SORCS2: variants seen among roughly 807,000 people sequenced by gnomAD.
The protein encoded by SORCS2 is VPS10 domain-containing receptor SorCS2.
A neutral mutation model predicts 141.6 loss-of-function variants in SORCS2; 100 were observed. The ratio of observed to expected loss-of-function variants is 0.71; its 90% CI spans 0.60 to 0.83. The LOEUF is 0.83. SORCS2 is among the 40% of genes least tolerant of loss of function. The pLI is 0.00. For missense variants in SORCS2, 1,646 were observed against 1,560.2 expected (o/e 1.05, Z -0.93); for synonymous variants, 789 against 676.9 (o/e 1.17, Z -2.57).
At chr4:7,487,549 C>T (rs1341322739) in intron 2 of SORCS2, among the ~76,000 whole-genome samples, 1 of 152,234 alleles carries the variant, frequency 6.6e-6, no homozygotes, top group Non-Finnish European at 1.5e-5. Flanking sequence ...CTCTCCTTTG[C>T]CTGCACTAGA....
chr4:7,434,310 C>G (rs573810561), intron 2 of SORCS2: 2 of 1,611,728 alleles, frequency 1.2e-6, no homozygotes, highest in East Asian at 2.2e-5. Context: ...GTCGGGAGAC[C>G]TGCCGTACAC....
chr4:7,550,599 G>A (rs1713625476), intron 3 of SORCS2, among the ~76,000 whole-genome samples: 1 of 152,212 alleles, frequency 6.6e-6, no homozygotes, highest in South Asian at 2.1e-4. Flanking sequence ...GAGGCTTCAG[G>A]AATCTTAGTA....
chr4:7,437,713 C>T (rs1367745964), intron 2 of SORCS2, among the ~76,000 whole-genome samples: 1 of 131,738 alleles, frequency 7.6e-6, no homozygotes. Context: ...CAAAACCAAA[C>T]ACTTTTTTTT....
At chr4:7,260,214 G>A (rs1714226063) in intron 1 of SORCS2, among the ~76,000 whole-genome samples, 1 of 152,248 alleles carries the variant, frequency 6.6e-6, no homozygotes, top group South Asian at 2.1e-4. Context: ...GGAGGCAGCT[G>A]CTCTGGATGC....
chr4:7,383,125 C>G (rs1423628884), intron 1 of SORCS2, among the ~76,000 whole-genome samples: 1 of 152,050 alleles, frequency 6.6e-6, no homozygotes, highest in Non-Finnish European at 1.5e-5. Context: ...AAAACAGGGC[C>G]TCGTGTCATG....
intron 2 of SORCS2, among the ~76,000 whole-genome samples, chr4:7,503,263 G>A (rs1732078559): frequency 6.6e-6 from 1 of 152,134 alleles, no homozygotes; most frequent in African/African-American, 2.4e-5. Context: ...CCACACTCAC[G>A]GCCCTGGAGT....
At chr4:7,514,629 G>C (rs1362512354) in intron 2 of SORCS2, among the ~76,000 whole-genome samples, 2 of 152,020 alleles carry the variant, frequency 1.3e-5, no homozygotes, top group Non-Finnish European at 2.9e-5. Context: ...AGGCCCTGAG[G>C]TGGGACCCTG....
At chr4:7,581,949 G>T (rs1716186920) in intron 3 of SORCS2, among the ~76,000 whole-genome samples, 2 of 151,576 alleles carry the variant, frequency 1.3e-5, no homozygotes, top group Admixed American at 6.6e-5. Flanking sequence ...TTTCATAGTC[G>T]AGACAATTTT....
intron 4 of SORCS2, among the ~76,000 whole-genome samples, chr4:7,644,047 A>G (rs1720901652): frequency 6.6e-6 from 1 of 152,210 alleles, no homozygotes; most frequent in Non-Finnish European, 1.5e-5. Context: ...CCCTCTGGAT[A>G]TGTAAGCAGA....
chr4:7,467,644 A>G (rs2109337782), intron 2 of SORCS2, among the ~76,000 whole-genome samples: 1 of 152,260 alleles, frequency 6.6e-6, no homozygotes, highest in South Asian at 2.1e-4. Flanking sequence ...TGAATCTTGA[A>G]GGAGCCAGGG....
chr4:7,245,796 A>G (rs1713042368), intron 1 of SORCS2, among the ~76,000 whole-genome samples: 1 of 152,190 alleles, frequency 6.6e-6, no homozygotes, highest in Non-Finnish European at 1.5e-5. Flanking sequence ...GTTTAGGGAC[A>G]TGGGTGCTGT....
intron 3 of SORCS2, among the ~76,000 whole-genome samples, chr4:7,621,412 T>C (rs1051817483): frequency 1.3e-5 from 2 of 148,548 alleles, no homozygotes; most frequent in African/African-American, 5.1e-5. Flanking sequence ...TCTGTGTGCA[T>C]GTTTGTGTGT....
chr4:7,655,598 T>C (rs1189597884), intron 5 of SORCS2, among the ~76,000 whole-genome samples: 3 of 152,226 alleles, frequency 2.0e-5, no homozygotes, highest in African/African-American at 7.2e-5. Context: ...TACACGCCGT[T>C]GGCTCATGGG....
chr4:7,650,248 C>A (rs1721346643), intron 4 of SORCS2, among the ~76,000 whole-genome samples: 1 of 152,222 alleles, frequency 6.6e-6, no homozygotes, highest in Non-Finnish European at 1.5e-5. Context: ...TTGTTAGAAG[C>A]ATCTACTTCC....
At chr4:7,430,062 G>A (rs1414900428) in intron 2 of SORCS2, among the ~76,000 whole-genome samples, 5 of 152,250 alleles carry the variant, frequency 3.3e-5, no homozygotes, top group Middle Eastern at 3.4e-3. Context: ...CCCGCTTCTC[G>A]TTGTAAGGAA....
chr4:7,530,965 G>A (rs964232506), intron 2 of SORCS2, among the ~76,000 whole-genome samples: 2 of 152,272 alleles, frequency 1.3e-5, no homozygotes, highest in Non-Finnish European at 2.9e-5. Context: ...ACCTGCCTGC[G>A]GTCTCCTACC....
At chr4:7,640,196 G>A (rs1346521104) in intron 4 of SORCS2, among the ~76,000 whole-genome samples, 1 of 148,110 alleles carries the variant, frequency 6.8e-6, no homozygotes, top group African/African-American at 2.5e-5. Context: ...CTATGTGAGT[G>A]TGAGTGTGTA....
rs866379060 is a variant in SORCS2, at chr4:7,708,485, G to A, written c.1868+4201G>A. 7.9e-5 allele frequency among the ~76,000 whole-genome samples: 12 copies of A among 152,250 alleles called. No homozygotes were observed. In the South Asian group the frequency reaches 8.3e-4, roughly 11 times the overall value. ...GGGTCCCGCTGGCCGGCCGACCTTTGATCCTGTATCCGTGTGTTCTCGATG... is the reference window on the plus strand; with the variant it reads ...GGGTCCCGCTGGCCGGCCGACCTTTAATCCTGTATCCGTGTGTTCTCGATG... On this transcript the variant is annotated intron_variant, in intron 14 of 26. Coordinates refer to ENST00000507866, the MANE Select transcript of SORCS2 (RefSeq NM_020777.3).
intron 1 of SORCS2, among the ~76,000 whole-genome samples, chr4:7,360,940 A>C (rs1305850298): frequency 6.6e-6 from 1 of 151,858 alleles, no homozygotes; most frequent in Non-Finnish European, 1.5e-5. Flanking sequence ...AGTCTTGGCC[A>C]TGCTGGGTTC....
Sources: allele counts gnomAD v4.1 joint callset (sites outside exome capture counted in the v4.1 genomes callset), GRCh38; gene constraint gnomAD v4.1.1; transcripts MANE v1.5; gene names NCBI Gene and HGNC (gene_info 2026-07-23, HGNC 2026-07-21).